Variants in TMEM132B observed in about 807,000 individuals in gnomAD.
TMEM132B encodes transmembrane protein 132B.
TMEM132B carries 18 observed loss-of-function variants against 90.8 expected under a neutral mutation model. The ratio of observed to expected loss-of-function variants is 0.20; its 90% CI spans 0.14 to 0.29. The LOEUF (loss-of-function observed/expected upper bound fraction) is 0.29, where lower values mean the gene tolerates loss of function less well. TMEM132B is among the 10% of genes least tolerant of loss of function. The pLI is 1.00. For synonymous variants in TMEM132B, 504 were observed against 523.3 expected (o/e 0.96, Z 0.50); for missense variants, 1,096 against 1,326.8 (o/e 0.83, Z 2.70).
chr12:125,217,521 A>G (rs1434819784), intron 1 of TMEM132B, among the ~76,000 whole-genome samples: 1 of 152,080 alleles, frequency 6.6e-6, no homozygotes, highest in Non-Finnish European at 1.5e-5. Flanking sequence ...ATCTCAGTTC[A>G]TTGCAGCCTT....
At chr12:125,533,103 A>G (rs747052626) in intron 4 of TMEM132B, among the ~76,000 whole-genome samples, 48 of 152,282 alleles carry the variant, frequency 3.2e-4, no homozygotes, top group Non-Finnish European at 5.3e-4. Context: ...CTGTCGTTCA[A>G]TTCCAGCCTG....
intron 1 of TMEM132B, among the ~76,000 whole-genome samples, chr12:125,237,978 C>T (rs1243383353): frequency 6.6e-6 from 1 of 152,198 alleles, no homozygotes; most frequent in Admixed American, 6.5e-5. Context: ...TGTCCCAAGA[C>T]CAAGTCTTTA....
intron 1 of TMEM132B, among the ~76,000 whole-genome samples, chr12:125,299,948 C>A (rs1359252454): frequency 6.6e-6 from 1 of 152,250 alleles, no homozygotes; most frequent in East Asian, 1.9e-4. Context: ...GGCTTCCTTC[C>A]TCACTCAGAG....
At chr12:125,527,471 T>TCCACCCATCCACCCTTCCAA (rs1883516661) in intron 4 of TMEM132B, among the ~76,000 whole-genome samples, 1 of 135,946 alleles carries the variant, frequency 7.4e-6, no homozygotes, top group Non-Finnish European at 1.6e-5. Flanking sequence ...CACCCTTCCA[T>TCCACCCATCCACCCTTCCAA]CCACCCATCC....
chr12:125,497,509 T>C (rs2136586401), intron 3 of TMEM132B, among the ~76,000 whole-genome samples: 1 of 152,304 alleles, frequency 6.6e-6, no homozygotes, highest in South Asian at 2.1e-4. Context: ...TGTGGACTGT[T>C]GAAAAGTGAG....
chr12:125,552,598 C>G (rs938516715), intron 4 of TMEM132B, among the ~76,000 whole-genome samples: 1 of 152,188 alleles, frequency 6.6e-6, no homozygotes, highest in Non-Finnish European at 1.5e-5. Flanking sequence ...GGGCCCCTCC[C>G]CATGCCTTCC....
intron 2 of TMEM132B, among the ~76,000 whole-genome samples, chr12:125,363,737 A>G (rs978613789): frequency 6.6e-6 from 1 of 152,214 alleles, no homozygotes; most frequent in East Asian, 1.9e-4. Flanking sequence ...TGAGGCTTAG[A>G]AAGATAAGTG....
chr12:125,543,064 CT>C (rs1314138100), intron 4 of TMEM132B, among the ~76,000 whole-genome samples: 1 of 152,170 alleles, frequency 6.6e-6, no homozygotes, highest in Non-Finnish European at 1.5e-5. Flanking sequence ...AACAGAAAGT[CT>C]AACAGTCCAG....
intron 2 of TMEM132B, among the ~76,000 whole-genome samples, chr12:125,392,943 C>G (rs1248256675): frequency 6.6e-6 from 1 of 152,190 alleles, no homozygotes; most frequent in Non-Finnish European, 1.5e-5. Flanking sequence ...GCCCTGGGGG[C>G]CCCGTGATCC....
At chr12:125,234,515 C>T (rs904328060) in intron 1 of TMEM132B, among the ~76,000 whole-genome samples, 6 of 152,148 alleles carry the variant, frequency 3.9e-5, no homozygotes, top group East Asian at 1.9e-4. Context: ...TGTACATTCT[C>T]GGGCCCCACC....
chr12:125,292,515 C>T (rs796322646), intron 1 of TMEM132B, among the ~76,000 whole-genome samples: 5 of 152,192 alleles, frequency 3.3e-5, no homozygotes, highest in East Asian at 1.9e-4. Flanking sequence ...CTTCTGTTTG[C>T]GAGTGACAGA....
intron 4 of TMEM132B, among the ~76,000 whole-genome samples, chr12:125,528,637 C>T (rs980977214): frequency 2.0e-5 from 3 of 152,194 alleles, no homozygotes; most frequent in Non-Finnish European, 2.9e-5. Flanking sequence ...GAAACATAAA[C>T]AGTTGACCTT....
chr12:125,563,119 G>C (rs904182312), intron 4 of TMEM132B, among the ~76,000 whole-genome samples: 4 of 148,734 alleles, frequency 2.7e-5, no homozygotes, highest in Non-Finnish European at 4.4e-5. Flanking sequence ...GAACATCAAA[G>C]ATCAGTGATC....
chr12:125,328,864 G>T (rs1388197873), intron 1 of TMEM132B, among the ~76,000 whole-genome samples: 5 of 152,104 alleles, frequency 3.3e-5, no homozygotes, highest in African/African-American at 9.7e-5. Flanking sequence ...TACTGGAATG[G>T]CTTGTTCATT....
At chr12:125,606,844 G>A (rs1368521493) in intron 5 of TMEM132B, among the ~76,000 whole-genome samples, 1 of 152,192 alleles carries the variant, frequency 6.6e-6, no homozygotes, top group Non-Finnish European at 1.5e-5. Context: ...AGGGCAGGGA[G>A]GAGCTTCTGT....
chr12:125,262,695 T>G (rs1593060278), intron 1 of TMEM132B, among the ~76,000 whole-genome samples: 1 of 152,260 alleles, frequency 6.6e-6, no homozygotes. Flanking sequence ...TGTCAAAAAT[T>G]AGAGGCTTCC....
intron 5 of TMEM132B, among the ~76,000 whole-genome samples, chr12:125,612,418 G>A (rs937873171): frequency 7.3e-5 from 11 of 151,536 alleles, no homozygotes; most frequent in African/African-American, 2.2e-4. Flanking sequence ...AGCTGAGATC[G>A]CTTGCCACTG....
intron 1 of TMEM132B, among the ~76,000 whole-genome samples, chr12:125,320,058 A>C (rs1593083011): frequency 6.6e-6 from 1 of 150,706 alleles, no homozygotes. Context: ...AGCACAATTC[A>C]CCTTTTCTAC....
chr12:125,610,642 T>C (rs1056795118), intron 5 of TMEM132B, among the ~76,000 whole-genome samples: 4 of 152,032 alleles, frequency 2.6e-5, no homozygotes, highest in African/African-American at 9.7e-5. Context: ...TCTCTCTCTG[T>C]ATGTGTGTGT....
Sources: gnomAD v4.1 joint callset for allele counts (sites outside exome capture counted in the v4.1 genomes callset) on GRCh38, gnomAD v4.1.1 for gene constraint, MANE v1.5 for transcripts, NCBI Gene and HGNC (gene_info 2026-07-23, HGNC 2026-07-21) for gene names.